The following HIVEP1 variants were observed in gnomAD, a reference collection of about 807,000 sequenced individuals.
The protein encoded by HIVEP1 is HIVEP zinc finger 1.
HIVEP1 carries 36 observed loss-of-function variants against 180.0 expected under a neutral mutation model. The observed-to-expected ratio is 0.20, with a 90% CI of 0.15 to 0.26. The LOEUF is 0.26. Among genes scored for constraint, HIVEP1 ranks in the 10% least tolerant of loss-of-function variants. The pLI is 1.00. For synonymous variants in HIVEP1, 1,239 were observed against 1,239.0 expected (o/e 1.00, Z 0.00); for missense variants, 3,143 against 3,268.7 (o/e 0.96, Z 0.94).
intron 2 of HIVEP1, among the ~76,000 whole-genome samples, chr6:12,040,452 A>G (rs924488592): frequency 7.9e-5 from 12 of 152,212 alleles, no homozygotes; most frequent in African/African-American, 2.4e-4. Context: ...ATACGTAACT[A>G]TAGATCTAAA....
intron 2 of HIVEP1, among the ~76,000 whole-genome samples, chr6:12,025,085 A>G (rs1768490882): frequency 6.6e-6 from 1 of 152,190 alleles, no homozygotes. Context: ...TTCCCATTTT[A>G]TAGATGTGGA....
intron 7 of HIVEP1, among the ~76,000 whole-genome samples, chr6:12,156,396 G>A (rs1304875580): frequency 6.6e-6 from 1 of 152,036 alleles, no homozygotes; most frequent in African/African-American, 2.4e-5. Context: ...AATCCATCTT[G>A]AGTTAATTTT....
At chr6:12,077,965 G>C (rs190629841) in intron 2 of HIVEP1, among the ~76,000 whole-genome samples, 2 of 152,310 alleles carry the variant, frequency 1.3e-5, no homozygotes, top group African/African-American at 4.8e-5. Flanking sequence ...CTTGAAAAGA[G>C]GCTATATCTT....
In HIVEP1 at chr6:12,164,355, A is replaced by G; in HGVS notation, c.8051A>G (p.Asp2684Gly). ...TCAGGCCAGCAGACTCTCTCTCCAG[A>G]CAGACAGGTTCCCAGGCCCACAGCA... is the stretch of plus-strand genomic sequence containing the variant. ...KPSGQQTLSP[D>G]RQVPRPTALP... Residue 2684 changes from aspartate to glycine, a missense_variant, in exon 9 of 9, where the codon GAC (aspartate) becomes GGC (glycine). Physicochemically the swap from Asp to Gly is moderately conservative, Grantham distance 94. Coordinates refer to ENST00000379388, the MANE Select transcript of HIVEP1 (RefSeq NM_002114.4). The G allele has an allele frequency of 6.2e-7, 1 of 1,614,118 alleles. No individual in the cohort carries two copies. Among genetic ancestry groups the G allele is most frequent in the Non-Finnish European group, 8.5e-7 (1 of 1,180,026 alleles).
intron 2 of HIVEP1, among the ~76,000 whole-genome samples, chr6:12,087,902 G>A (rs974313550): frequency 1.3e-5 from 2 of 152,104 alleles, no homozygotes; most frequent in Non-Finnish European, 2.9e-5. Flanking sequence ...ACATTGCTGT[G>A]GGCGATACAT....
intron 2 of HIVEP1, among the ~76,000 whole-genome samples, chr6:12,061,312 T>G (rs561822337): frequency 2.2e-4 from 33 of 152,338 alleles, no homozygotes; most frequent in African/African-American, 7.5e-4. Context: ...AGAGACTAAC[T>G]TCAATTGGCA....
intron 2 of HIVEP1, among the ~76,000 whole-genome samples, chr6:12,023,656 T>G (rs961412433): frequency 6.7e-5 from 6 of 89,064 alleles, no homozygotes; most frequent in Admixed American, 5.8e-4. Flanking sequence ...GCAAGCCTCC[T>G]TTTTTTTTGC....
Position 12,124,402 on chromosome 6 carries a change from A to G in HIVEP1, c.4607A>G (p.Gln1536Arg), listed in dbSNP as rs762137440. The part of the protein sequence containing the change: ...STQLSLQVST[Q>R]GSKPDKNSVL... ...CAGCTATCTCTGCAAGTGTCTACGC[A>G]GGGTAGCAAGCCAGATAAAAATTCT... The change falls in exon 4 of 9, where the codon CAG becomes CGG. Residue 1536 changes from glutamine to arginine, a missense_variant. This residue lies in a region of HIVEP1 where 1,357 missense variants were observed against 1,260.5 expected (regional missense o/e 1.08). Coordinates refer to ENST00000379388, the MANE Select transcript of HIVEP1 (RefSeq NM_002114.4). 2.5e-6 allele frequency: 4 copies of G among 1,613,996 alleles called. No homozygotes were observed. The highest frequency in any genetic ancestry group is 3.3e-5 in the Admixed American group (2 of 60,002).
chr6:12,025,238 C>G (rs1490665372), intron 2 of HIVEP1, among the ~76,000 whole-genome samples: 1 of 152,156 alleles, frequency 6.6e-6, no homozygotes, highest in Non-Finnish European at 1.5e-5. Context: ...TAGAAATGCT[C>G]TCCATCCCAG....
At chr6:12,043,356 T>A (rs74765033) in intron 2 of HIVEP1, among the ~76,000 whole-genome samples, 1,391 of 126,682 alleles carry the variant, frequency 0.011, 13 homozygotes, top group African/African-American at 0.042. Flanking sequence ...TAAGTGAAAA[T>A]TTTTTTTTTT....
chr6:12,048,564 C>A (rs975643671), intron 2 of HIVEP1, among the ~76,000 whole-genome samples: 1 of 152,152 alleles, frequency 6.6e-6, no homozygotes, highest in African/African-American at 2.4e-5. Context: ...TAAAAACATG[C>A]ACAATCTGTT....
intron 2 of HIVEP1, among the ~76,000 whole-genome samples, chr6:12,020,890 C>CTTTTT (rs70981658): frequency 0.021 from 2,188 of 105,692 alleles, 142 homozygotes; most frequent in Non-Finnish European, 0.026. Flanking sequence ...TTCTTTCTTT[C>CTTTTT]TTTTTTTTTT....
the HIVEP1 span, among the ~76,000 whole-genome samples, chr6:12,203,326 C>T: frequency 1.4e-4 from 21 of 152,150 alleles, no homozygotes; most frequent in Admixed American, 2.6e-4. Context: ...GTCGGGTAGA[C>T]GAAGGATCCC....
chr6:12,189,776 A>G, the HIVEP1 span, among the ~76,000 whole-genome samples: 5 of 152,182 alleles, frequency 3.3e-5, no homozygotes, highest in African/African-American at 1.2e-4. Flanking sequence ...CTAGGAATTT[A>G]TTCTTATTGA....
chr6:12,022,766 G>A (rs1768325007), intron 2 of HIVEP1, among the ~76,000 whole-genome samples: 1 of 152,180 alleles, frequency 6.6e-6, no homozygotes, highest in African/African-American at 2.4e-5. Flanking sequence ...CATAAAATCT[G>A]TAAATGCATT....
intron 6 of HIVEP1, among the ~76,000 whole-genome samples, chr6:12,133,582 T>C (rs1314958898): frequency 6.6e-6 from 1 of 152,190 alleles, no homozygotes; most frequent in African/African-American, 2.4e-5. Flanking sequence ...TATGAGAAAA[T>C]ATGCTTACTA....
chr6:12,138,435 A>G (rs1170224137), intron 7 of HIVEP1, among the ~76,000 whole-genome samples: 2 of 152,204 alleles, frequency 1.3e-5, no homozygotes, highest in Non-Finnish European at 2.9e-5. Context: ...AATTCTGCAC[A>G]TGTCCCTGTT....
chr6:12,110,210 T>G (rs544891593), intron 3 of HIVEP1, among the ~76,000 whole-genome samples: 1 of 152,226 alleles, frequency 6.6e-6, no homozygotes, highest in Non-Finnish European at 1.5e-5. Flanking sequence ...AAGGGTCTTA[T>G]GGATTTTCAG....
downstream of HIVEP1, among the ~76,000 whole-genome samples, chr6:12,167,845 G>T (rs1323388062): frequency 6.9e-6 from 1 of 144,136 alleles, no homozygotes; most frequent in Non-Finnish European, 1.5e-5. Context: ...ACATGTACAT[G>T]TATAGATGTG....
Sources: allele counts gnomAD v4.1 joint callset (sites outside exome capture counted in the v4.1 genomes callset), GRCh38; gene constraint gnomAD v4.1.1; regional missense constraint gnomAD v4.1.1; transcripts MANE v1.5; gene names NCBI Gene and HGNC (gene_info 2026-07-23, HGNC 2026-07-21).